Variants in FANCI observed in about 807,000 individuals in gnomAD.
FANCI encodes Fanconi anemia group I protein.
Under a neutral mutation model 176.1 loss-of-function variants are expected in FANCI, and 156 were observed. The ratio of observed to expected loss-of-function variants is 0.89; its 90% CI spans 0.78 to 1.01. FANCI has a LOEUF of 1.01. FANCI is among the 50% of genes least tolerant of loss of function. The pLI is 0.00. For missense variants in FANCI, 1,678 were observed against 1,534.1 expected (o/e 1.09, Z -1.57); for synonymous variants, 613 against 541.7 (o/e 1.13, Z -1.83).
intron 26 of FANCI, 57 bp downstream of exon 26, chr15:89,300,442 TA>T: frequency 2.0e-6 from 3 of 1,484,242 alleles, no homozygotes; most frequent in Non-Finnish European, 2.8e-6. Context: ...AAGGAACTGT[TA>T]GCAGGGGCAG....
chr15:89,247,095 G>A lies in FANCI; in HGVS notation c.-19-534G>A, dbSNP rs942365351. ...TTTTTTTTTTTTTTTTTAAGAGACA[G>A]GGTCTTACCTTGTTGCCTAGGCTGG... On this transcript the variant is annotated intron_variant, in intron 1 of 37. Transcript: ENST00000310775. 3.3e-5 allele frequency among the ~76,000 whole-genome samples: 5 copies of A among 149,608 alleles called. 1 individual carries two copies. The highest frequency in any genetic ancestry group is 1.2e-4 in the African/African-American group (5 of 40,252).
In FANCI at chr15:89,292,736, A is replaced by C. The variant is rs554876309; in HGVS notation, c.2041A>C (p.Thr681Pro). The C allele has an allele frequency of 3.8e-5, 61 of 1,613,988 alleles. No individual in the cohort carries two copies. In the African/African-American group the frequency reaches 6.5e-4, roughly 17 times the overall value. ...IQHCLAWYKN[T>P]VIPLQQGEEE... Reference sequence around the variant, plus strand: ...GCATTGTTTGGCCTGGTATAAGAATACAGTCATACCCTTACAGCAGGGAGA... The same window carrying C: ...GCATTGTTTGGCCTGGTATAAGAATCCAGTCATACCCTTACAGCAGGGAGA... The change falls in exon 21 of 38, where the codon ACA becomes CCA. Residue 681 changes from threonine to proline, a missense_variant. Coordinates refer to ENST00000310775, the MANE Select transcript of FANCI (RefSeq NM_001113378.2).
chr15:89,256,521 C>T, intron 2 of FANCI, among the ~76,000 whole-genome samples: 1 of 152,224 alleles, frequency 6.6e-6, no homozygotes, highest in Admixed American at 6.5e-5. Flanking sequence ...ACACCTCTCT[C>T]TCGAGATTAT....
chr15:89,245,756 G>A (rs1362912492), intron 1 of FANCI: 1 of 152,174 alleles, frequency 6.6e-6, no homozygotes, highest in Non-Finnish European at 1.5e-5. Flanking sequence ...CTTACTTAAG[G>A]GTTTTGGACT....
intron 18 of FANCI, among the ~76,000 whole-genome samples, chr15:89,287,075 G>GT (rs1335767128): frequency 7.1e-6 from 1 of 141,646 alleles, no homozygotes; most frequent in East Asian, 2.2e-4. Context: ...CCAGGTTCAA[G>GT]TGATTCTCCT....
chr15:89,302,479 A>T (rs1354759396), intron 27 of FANCI, among the ~76,000 whole-genome samples: 1 of 152,202 alleles, frequency 6.6e-6, no homozygotes, highest in African/African-American at 2.4e-5. Flanking sequence ...AGGAAAATTT[A>T]AAAATTTTTC....
At chr15:89,310,528 C>A (rs1238551392) in intron 34 of FANCI, among the ~76,000 whole-genome samples, 2 of 152,246 alleles carry the variant, frequency 1.3e-5, no homozygotes, top group Non-Finnish European at 2.9e-5. Flanking sequence ...CCTCCTCCAT[C>A]CATATTTGAC....
At chr15:89,314,836 TCC>T (rs1180873508) in intron 36 of FANCI, 129 bp downstream of exon 36, 22,362 of 236,900 alleles carry the variant, frequency 0.094, 73 homozygotes, top group Admixed American at 0.15. Flanking sequence ...ATCCCCCCTC[TCC>T]CCCCCCCCCC....
chr15:89,297,269 C>CT (rs2054331460), intron 24 of FANCI, among the ~76,000 whole-genome samples: 3 of 149,672 alleles, frequency 2.0e-5, no homozygotes, highest in Non-Finnish European at 4.5e-5. Context: ...CCTCACTTCC[C>CT]AGATGGGATG....
chr15:89,265,954 A>C (rs2052931940), intron 9 of FANCI, among the ~76,000 whole-genome samples: 1 of 148,282 alleles, frequency 6.7e-6, no homozygotes, highest in South Asian at 2.1e-4. Flanking sequence ...CAAAGAATTT[A>C]GTTAGTTTGG....
At chr15:89,253,971 G>T (rs913750604) in intron 2 of FANCI, among the ~76,000 whole-genome samples, 1 of 152,082 alleles carries the variant, frequency 6.6e-6, no homozygotes, top group African/African-American at 2.4e-5. Context: ...GGGATTACAG[G>T]CAGGAGCCAC....
chr15:89,299,715 C>T, intron 24 of FANCI, 85 bp from the exon 25 acceptor site: 1 of 1,362,674 alleles, frequency 7.3e-7, no homozygotes, highest in Non-Finnish European at 1.0e-6. Context: ...TAGAACTGTT[C>T]ACCTACAGGG....
At chr15:89,316,306 G>A (rs1017183370) in intron 37 of FANCI, 91 bp from the exon 38 acceptor site, 1 of 1,281,526 alleles carries the variant, frequency 7.8e-7, no homozygotes, top group Admixed American at 2.0e-5. Context: ...AGGCTTTGAT[G>A]AGAAGATAGA....
intron 9 of FANCI, among the ~76,000 whole-genome samples, chr15:89,267,621 C>T (rs978907443): frequency 9.2e-5 from 14 of 151,934 alleles, no homozygotes; most frequent in Non-Finnish European, 7.4e-5. Flanking sequence ...ATTTATTTTA[C>T]GAAATCTTGT....
At chr15:89,270,824 T>G (rs2053171810) in intron 10 of FANCI, among the ~76,000 whole-genome samples, 1 of 152,204 alleles carries the variant, frequency 6.6e-6, no homozygotes, top group South Asian at 2.1e-4. Context: ...TGTGGCATGA[T>G]ATGCCCAAGG....
intron 27 of FANCI, among the ~76,000 whole-genome samples, chr15:89,303,248 T>G (rs1259813939): frequency 6.6e-6 from 1 of 152,252 alleles, no homozygotes; most frequent in Non-Finnish European, 1.5e-5. Flanking sequence ...TCATTTACAC[T>G]TAAGTATAAC....
At position 89,301,396 on chromosome 15, in the gene FANCI, C is replaced by T. The variant is rs138432305; in HGVS notation, c.2960C>T (p.Thr987Met). 3.0e-5 allele frequency: 48 copies of T among 1,613,816 alleles called. No individual in the cohort carries two copies. The highest frequency in any genetic ancestry group is 1.5e-4 in the African/African-American group (11 of 75,056). The change falls in exon 27 of 38, where the codon ACG (threonine) becomes ATG (methionine). Residue 987 changes from threonine to methionine, a missense_variant. Physicochemically the swap from Thr to Met is moderately conservative, Grantham distance 81. Coordinates refer to ENST00000310775, the MANE Select transcript of FANCI (RefSeq NM_001113378.2). The part of the protein sequence containing the change: ...FNSKEALLLV[T>M]VLTSLSKLLE... ...AGCAAAGAAGCCCTCCTGCTAGTCA[C>T]GGTTCTTACCAGTTTGTCCAAGTTA...
At chr15:89,254,752 T>C (rs1035244551) in intron 2 of FANCI, among the ~76,000 whole-genome samples, 2 of 152,118 alleles carry the variant, frequency 1.3e-5, no homozygotes, top group African/African-American at 2.4e-5. Flanking sequence ...TTTCAAGTTA[T>C]AGTGAGCTAT....
intron 3 of FANCI, chr15:89,259,142 G>A (rs1435514301): frequency 7.2e-6 from 2 of 278,942 alleles, no homozygotes; most frequent in East Asian, 8.6e-5. Flanking sequence ...AATGAAATGG[G>A]GTATCTTAAG....
Sources: allele counts gnomAD v4.1 joint callset (sites outside exome capture counted in the v4.1 genomes callset), GRCh38; gene constraint gnomAD v4.1.1; transcripts MANE v1.5; gene names NCBI Gene and HGNC (gene_info 2026-07-23, HGNC 2026-07-21).